The following TENM3 variants were observed in gnomAD, a reference collection of about 807,000 sequenced individuals.
The protein encoded by TENM3 is teneurin-3.
Under a neutral mutation model 255.1 loss-of-function variants are expected in TENM3, and 63 were observed. The observed-to-expected ratio is 0.25, with a 90% CI of 0.20 to 0.30. The LOEUF is 0.30. Among genes scored for constraint, TENM3 ranks in the 10% least tolerant of loss-of-function variants. The pLI, the probability that TENM3 is intolerant of heterozygous loss-of-function variation, is 1.00. For synonymous variants in TENM3, 1,306 were observed against 1,322.3 expected (o/e 0.99, Z 0.27); for missense variants, 2,929 against 3,461.1 (o/e 0.85, Z 3.86).
At chr4:182,401,814 A>G (rs894056856) in intron 3 of TENM3, among the ~76,000 whole-genome samples, 2 of 152,206 alleles carry the variant, frequency 1.3e-5, no homozygotes, top group Non-Finnish European at 2.9e-5. Flanking sequence ...TAACATTTAC[A>G]CTTTCTATTC....
intron 4 of TENM3, among the ~76,000 whole-genome samples, chr4:182,620,839 C>T (rs1408366550): frequency 6.6e-6 from 1 of 152,188 alleles, no homozygotes; most frequent in Non-Finnish European, 1.5e-5. Context: ...AGCATTCCTC[C>T]TGCCTCACCC....
rs980575154 is a variant in TENM3, at chr4:182,179,947, C to T, written c.-76+35193C>T. On this transcript the variant is annotated intron_variant, in intron 1 of 2. Transcript: ENST00000512480. ...TTCAGATCCATTTTTGTGTTCTTCTCCCAGGAGATTAGGTAGTCTCTATGG... is the reference window on the plus strand; with the variant it reads ...TTCAGATCCATTTTTGTGTTCTTCTTCCAGGAGATTAGGTAGTCTCTATGG... 3.3e-5 allele frequency among the ~76,000 whole-genome samples: 5 copies of T among 152,050 alleles called. No individual in the cohort carries two copies. In the East Asian group the frequency reaches 9.6e-4, roughly 29 times the overall value.
intron 3 of TENM3, among the ~76,000 whole-genome samples, chr4:182,484,286 C>T (rs1011750951): frequency 6.6e-5 from 10 of 152,164 alleles, no homozygotes; most frequent in African/African-American, 2.4e-4. Context: ...GGCCTGAGGT[C>T]ATGCAGCTAG....
At chr4:182,398,658 G>A (rs1464152983) in intron 3 of TENM3, among the ~76,000 whole-genome samples, 1 of 152,156 alleles carries the variant, frequency 6.6e-6, no homozygotes, top group African/African-American at 2.4e-5. Context: ...GGGTGTTACA[G>A]GCATGGAACG....
At chr4:182,651,624 G>T (rs1387644695) in intron 5 of TENM3, among the ~76,000 whole-genome samples, 1 of 152,100 alleles carries the variant, frequency 6.6e-6, no homozygotes, top group Non-Finnish European at 1.5e-5. Context: ...TTGAACCCGG[G>T]AGACAGAGGT....
the TENM3 span, among the ~76,000 whole-genome samples, chr4:181,818,656 C>T: frequency 2.5e-4 from 37 of 148,744 alleles, no homozygotes; most frequent in South Asian, 4.2e-4. Context: ...GTCACCCAGG[C>T]TGGAGTGCAG....
intron 13 of TENM3, among the ~76,000 whole-genome samples, chr4:182,717,749 C>A (rs1759321831): frequency 6.6e-6 from 1 of 152,214 alleles, no homozygotes; most frequent in African/African-American, 2.4e-5. Flanking sequence ...GCTTTTAGAG[C>A]AAATGATCAC....
the TENM3 span, among the ~76,000 whole-genome samples, chr4:181,917,422 G>A: frequency 5.3e-5 from 8 of 152,172 alleles, no homozygotes; most frequent in African/African-American, 1.7e-4. Context: ...ACCCAGAAAC[G>A]TTCCAAGTAG....
the TENM3 span, among the ~76,000 whole-genome samples, chr4:181,771,743 C>T: frequency 6.6e-6 from 1 of 152,210 alleles, no homozygotes; most frequent in Admixed American, 6.5e-5. Context: ...TGAGATTCTG[C>T]GTTTCTATCT....
chr4:182,051,362 A>C, the TENM3 span, among the ~76,000 whole-genome samples: 1 of 143,450 alleles, frequency 7.0e-6, no homozygotes, highest in Non-Finnish European at 1.5e-5. Flanking sequence ...AAAGCAAATG[A>C]AGTTATTTTT....
chr4:181,855,431 C>T, the TENM3 span, among the ~76,000 whole-genome samples: 1 of 152,118 alleles, frequency 6.6e-6, no homozygotes, highest in Admixed American at 6.5e-5. Flanking sequence ...AAAATTGAGG[C>T]AATATTAATG....
chr4:181,590,732 A>C, the TENM3 span, among the ~76,000 whole-genome samples: 354 of 152,346 alleles, frequency 2.3e-3, 14 homozygotes, highest in East Asian at 0.065. Context: ...TCACAGAGAA[A>C]TTTCAGATAT....
At chr4:181,986,969 TC>T in the TENM3 span, among the ~76,000 whole-genome samples, 1 of 152,070 alleles carries the variant, frequency 6.6e-6, no homozygotes, top group African/African-American at 2.4e-5. Context: ...TTTATTTTCT[TC>T]CAAAGTTTCC....
the TENM3 span, among the ~76,000 whole-genome samples, chr4:182,098,926 A>ACAT: frequency 6.7e-6 from 1 of 149,270 alleles, no homozygotes; most frequent in African/African-American, 2.5e-5. Context: ...TAAAAATTTT[A>ACAT]CATTTACCTC....
chr4:182,110,122 A>AAG, the TENM3 span, among the ~76,000 whole-genome samples: 1 of 151,534 alleles, frequency 6.6e-6, no homozygotes, highest in African/African-American at 2.4e-5. Context: ...TCAAAAAAAA[A>AAG]AAAAAAAATA....
chr4:181,797,073 G>A, the TENM3 span, among the ~76,000 whole-genome samples: 8 of 151,882 alleles, frequency 5.3e-5, no homozygotes, highest in African/African-American at 1.2e-4. Flanking sequence ...AGTCCACAAC[G>A]TTTTACTATC....
intron 3 of TENM3, among the ~76,000 whole-genome samples, chr4:182,416,295 A>G (rs1206442692): frequency 6.6e-6 from 1 of 152,206 alleles, no homozygotes; most frequent in African/African-American, 2.4e-5. Context: ...ACATCTAGGA[A>G]TGTGATATTT....
At chr4:182,390,537 TG>T (rs1433260899) in intron 3 of TENM3, among the ~76,000 whole-genome samples, 1 of 152,164 alleles carries the variant, frequency 6.6e-6, no homozygotes, top group South Asian at 2.1e-4. Flanking sequence ...CAAGGTGCCC[TG>T]ATCTACAAGA....
At chr4:182,531,460 AC>A (rs1739773033) in intron 3 of TENM3, among the ~76,000 whole-genome samples, 1 of 152,150 alleles carries the variant, frequency 6.6e-6, no homozygotes, top group Admixed American at 6.5e-5. Context: ...ATTCACAATG[AC>A]CATAAAGTAA....
Sources: allele counts gnomAD v4.1 joint callset (sites outside exome capture counted in the v4.1 genomes callset), GRCh38; gene constraint gnomAD v4.1.1; transcripts MANE v1.5; gene names NCBI Gene and HGNC (gene_info 2026-07-23, HGNC 2026-07-21).